CSMD1: variants seen among roughly 807,000 people sequenced by gnomAD.
The protein encoded by CSMD1 is CUB and Sushi multiple domains 1.
Under a neutral mutation model 417.5 loss-of-function variants are expected in CSMD1, and 213 were observed. That is an observed-to-expected ratio of 0.51 (90% CI 0.46 to 0.57). The LOEUF is 0.57. Among genes scored for constraint, CSMD1 ranks in the 20% least tolerant of loss-of-function variants. The probability of loss-of-function intolerance (pLI) is 0.00; values close to 1 mark genes in which losing one functional copy is unlikely to be tolerated. For synonymous variants in CSMD1, 2,862 were observed against 1,736.8 expected (o/e 1.65, Z -16.11); for missense variants, 6,923 against 4,529.7 (o/e 1.53, Z -15.17).
chr8:4,264,720 C>T (rs1304278622), intron 3 of CSMD1, among the ~76,000 whole-genome samples: 1 of 152,150 alleles, frequency 6.6e-6, no homozygotes, highest in Non-Finnish European at 1.5e-5. Context: ...CACTGATTAA[C>T]TGCCCAGGGG....
chr8:3,453,919 G>C (rs1216056443), intron 12 of CSMD1, among the ~76,000 whole-genome samples: 1 of 152,146 alleles, frequency 6.6e-6, no homozygotes, highest in South Asian at 2.1e-4. Context: ...GGGTGTTAAA[G>C]TCTCCCATTA....
chr8:3,328,840 T>C (rs1806706092), intron 23 of CSMD1, among the ~76,000 whole-genome samples: 1 of 152,196 alleles, frequency 6.6e-6, no homozygotes, highest in Non-Finnish European at 1.5e-5. Context: ...ATCTTTTAAA[T>C]AAAAGGCACT....
intron 3 of CSMD1, among the ~76,000 whole-genome samples, chr8:4,322,570 G>C (rs1480227701): frequency 1.3e-5 from 2 of 152,186 alleles, no homozygotes; most frequent in African/African-American, 4.8e-5. Flanking sequence ...GTAAGATTTT[G>C]ATGAAGGAAA....
At chr8:3,528,557 C>G (rs1337680096) in intron 10 of CSMD1, among the ~76,000 whole-genome samples, 1 of 147,710 alleles carries the variant, frequency 6.8e-6, no homozygotes, top group African/African-American at 2.4e-5. Context: ...ATTAATCAAA[C>G]AAAGTGTTTT....
chr8:4,375,591 G>C (rs1802681787), intron 3 of CSMD1, among the ~76,000 whole-genome samples: 1 of 152,072 alleles, frequency 6.6e-6, no homozygotes, highest in South Asian at 2.1e-4. Context: ...CTCCTACTGA[G>C]GAAGAAGGCT....
intron 5 of CSMD1, among the ~76,000 whole-genome samples, chr8:3,838,223 T>C (rs1209600855): frequency 6.6e-6 from 1 of 151,954 alleles, no homozygotes; most frequent in Non-Finnish European, 1.5e-5. Context: ...GACAGAAATA[T>C]ATAGTACAAC....
intron 54 of CSMD1, among the ~76,000 whole-genome samples, chr8:2,991,645 A>C (rs1348815659): frequency 6.6e-6 from 1 of 152,256 alleles, no homozygotes. Context: ...TTAATGAAAC[A>C]TACCCTTTTT....
Position 3,586,228 on chromosome 8 carries a change from T to C in CSMD1, c.1130A>G (p.Asp377Gly). Residue 377 changes from aspartate (D) to glycine (G), a missense_variant, in exon 9 of 70, where the codon GAC becomes GGC. Coordinates refer to ENST00000635120, the MANE Select transcript of CSMD1 (RefSeq NM_033225.6). ...TTTAGATCCCTGGAGCACGTAATTG[T>C]CCTCACATGAAAACTGTACATTTGC... ...VGANVQFSCE[D>G]NYVLQGSKSI... 1 of 1,611,116 alleles carries C rather than the reference T, an allele frequency of 6.2e-7. No homozygotes were observed. The highest frequency in any genetic ancestry group is 8.5e-7 in the Non-Finnish European group (1 of 1,179,206).
chr8:4,991,164 G>C (rs1298269097), intron 1 of CSMD1, among the ~76,000 whole-genome samples: 1 of 152,134 alleles, frequency 6.6e-6, no homozygotes, highest in Non-Finnish European at 1.5e-5. Context: ...TCAGCCCCGG[G>C]TAAAGGGGCA....
At chr8:4,579,209 G>C (rs555960615) in intron 2 of CSMD1, among the ~76,000 whole-genome samples, 12 of 151,868 alleles carry the variant, frequency 7.9e-5, no homozygotes, top group Admixed American at 2.6e-4. Context: ...TGCTCTGACG[G>C]AATCAGGAAA....
At chr8:3,763,144 G>C (rs890872032) in intron 5 of CSMD1, among the ~76,000 whole-genome samples, 38 of 152,184 alleles carry the variant, frequency 2.5e-4, no homozygotes, top group African/African-American at 8.2e-4. Context: ...GGCTGAATAA[G>C]CCAAAGAGGT....
At chr8:3,505,068 T>A (rs1318292383) in intron 10 of CSMD1, among the ~76,000 whole-genome samples, 1 of 152,060 alleles carries the variant, frequency 6.6e-6, no homozygotes, top group Non-Finnish European at 1.5e-5. Context: ...TAGTGAGAAT[T>A]TCAGGAGAAT....
intron 5 of CSMD1, among the ~76,000 whole-genome samples, chr8:3,887,554 A>T (rs925933068): frequency 1.3e-5 from 2 of 152,200 alleles, no homozygotes; most frequent in Non-Finnish European, 2.9e-5. Context: ...TCAACCAATT[A>T]AATTAGAATT....
At chr8:3,202,040 C>G (rs1329902368) in intron 31 of CSMD1, among the ~76,000 whole-genome samples, 1 of 152,064 alleles carries the variant, frequency 6.6e-6, no homozygotes, top group East Asian at 1.9e-4. Context: ...TGGTGGCTCA[C>G]GCCTGTAATC....
intron 12 of CSMD1, among the ~76,000 whole-genome samples, chr8:3,415,577 T>A (rs996752975): frequency 6.6e-6 from 1 of 152,216 alleles, no homozygotes. Context: ...CACGCTGGTC[T>A]CCAACTCCTG....
intron 2 of CSMD1, among the ~76,000 whole-genome samples, chr8:4,421,353 A>C (rs1402197454): frequency 6.6e-6 from 1 of 152,178 alleles, no homozygotes; most frequent in Non-Finnish European, 1.5e-5. Context: ...TATTTATAGT[A>C]CACTTTACCC....
chr8:4,807,467 T>A (rs1326218226), intron 1 of CSMD1, among the ~76,000 whole-genome samples: 1 of 152,230 alleles, frequency 6.6e-6, no homozygotes, highest in African/African-American at 2.4e-5. Context: ...TGAAACCTTG[T>A]CTTATAGCCA....
chr8:3,298,382 A>T (rs1294372136), intron 25 of CSMD1, among the ~76,000 whole-genome samples: 2 of 152,220 alleles, frequency 1.3e-5, no homozygotes, highest in East Asian at 3.9e-4. Context: ...TATATCAGGA[A>T]ATATCTAACG....
chr8:4,595,483 GT>G (rs1203906718), intron 2 of CSMD1, among the ~76,000 whole-genome samples: 5 of 151,854 alleles, frequency 3.3e-5, no homozygotes, highest in African/African-American at 1.2e-4. Context: ...TTCCTTTGGA[GT>G]CCTCTCAAAT....
Sources: gnomAD v4.1 joint callset for allele counts (sites outside exome capture counted in the v4.1 genomes callset) on GRCh38, gnomAD v4.1.1 for gene constraint, MANE v1.5 for transcripts, NCBI Gene and HGNC (gene_info 2026-07-23, HGNC 2026-07-21) for gene names.